ITGB5: variants seen among roughly 807,000 people sequenced by gnomAD.
ITGB5 encodes integrin beta-5.
In ITGB5, 38 loss-of-function variants were observed where a neutral mutation model predicts 84.8. That is an observed-to-expected ratio of 0.45 (90% CI 0.35 to 0.59). ITGB5 has a LOEUF of 0.59. Ranked by LOEUF, ITGB5 falls within the 20% of genes least tolerant of loss-of-function variation. The probability of loss-of-function intolerance (pLI) is 0.01; values close to 1 mark genes in which losing one functional copy is unlikely to be tolerated. For synonymous variants in ITGB5, 393 were observed against 414.4 expected (o/e 0.95, Z 0.63); for missense variants, 905 against 1,034.5 (o/e 0.87, Z 1.72).
intron 1 of ITGB5, among the ~76,000 whole-genome samples, chr3:124,874,957 T>C (rs1262858786): frequency 6.6e-6 from 1 of 152,192 alleles, no homozygotes; most frequent in Non-Finnish European, 1.5e-5. Flanking sequence ...AATGACTTTT[T>C]GAATATTATC....
intron 10 of ITGB5, among the ~76,000 whole-genome samples, chr3:124,779,414 A>G (rs747241336): frequency 3.3e-5 from 5 of 152,130 alleles, no homozygotes; most frequent in Admixed American, 6.5e-5. Flanking sequence ...TCCCACCACC[A>G]GCCTCCCCAA....
At chr3:124,815,036 C>T (rs1353363499) in intron 8 of ITGB5, among the ~76,000 whole-genome samples, 1 of 152,214 alleles carries the variant, frequency 6.6e-6, no homozygotes, top group Non-Finnish European at 1.5e-5. Context: ...CTTGTCACTC[C>T]TTGACCCTGG....
chr3:124,891,402 C>T (rs562098196), upstream of ITGB5, among the ~76,000 whole-genome samples: 3 of 152,122 alleles, frequency 2.0e-5, no homozygotes, highest in East Asian at 5.8e-4. Context: ...AAATGAAGGC[C>T]TTTGCAATGG....
chr3:124,773,741 C>G lies in ITGB5; in HGVS notation c.1865G>C (p.Gly622Ala). 1 of 1,612,712 alleles carries G rather than the reference C, an allele frequency of 6.2e-7. No homozygotes were observed. ...GGTGGGGCACTTCTCACACATCTCCCCAAAGGCCCCCGGCTCCGTGCATTG... is the reference window on the plus strand; with the variant it reads ...GGTGGGGCACTTCTCACACATCTCCGCAAAGGCCCCCGGCTCCGTGCATTG... The part of the protein sequence containing the change: ...QCQCTEPGAF[G>A]EMCEKCPTCP... The change falls in exon 11 of 15, where the codon GGG (glycine) becomes GCG (alanine). Residue 622 changes from glycine to alanine, a missense_variant. Physicochemically the swap from Gly to Ala is moderately conservative, Grantham distance 60. Transcript: ENST00000296181.
At chr3:124,766,671 G>A (rs1032282148) in intron 12 of ITGB5, among the ~76,000 whole-genome samples, 1 of 152,150 alleles carries the variant, frequency 6.6e-6, no homozygotes, top group Admixed American at 6.5e-5. Flanking sequence ...GATTGGCCAC[G>A]GAAATTAAAG....
chr3:124,772,317 C>G (rs2063857936), intron 11 of ITGB5, among the ~76,000 whole-genome samples: 1 of 152,228 alleles, frequency 6.6e-6, no homozygotes, highest in Non-Finnish European at 1.5e-5. Flanking sequence ...CTTGTCTCTC[C>G]ATCTGCAGCC....
chr3:124,775,244 G>A (rs1055368615), intron 10 of ITGB5, among the ~76,000 whole-genome samples: 2 of 146,104 alleles, frequency 1.4e-5, no homozygotes, highest in Non-Finnish European at 2.9e-5. Flanking sequence ...GTGTGTGAGT[G>A]CAAGTGTGTG....
At chr3:124,867,923 A>G (rs547609878) in intron 2 of ITGB5, among the ~76,000 whole-genome samples, 3 of 152,316 alleles carry the variant, frequency 2.0e-5, no homozygotes, top group African/African-American at 4.8e-5. Flanking sequence ...TGTAATCCCT[A>G]TAATTCCCAT....
intron 12 of ITGB5, among the ~76,000 whole-genome samples, chr3:124,768,170 G>A (rs1460974189): frequency 6.6e-6 from 1 of 152,230 alleles, no homozygotes; most frequent in Non-Finnish European, 1.5e-5. Context: ...CAGACAGGCA[G>A]CTGGGGGCCA....
chr3:124,882,936 G>A (rs1470739277), intron 1 of ITGB5, among the ~76,000 whole-genome samples: 1 of 152,176 alleles, frequency 6.6e-6, no homozygotes, highest in Non-Finnish European at 1.5e-5. Context: ...TTCAACGGAA[G>A]CAAGAAGCCT....
At chr3:124,874,306 GAAAAAAAAA>G (rs59287818) in intron 1 of ITGB5, among the ~76,000 whole-genome samples, 2 of 113,392 alleles carry the variant, frequency 1.8e-5, no homozygotes, top group Non-Finnish European at 3.5e-5. Context: ...TCAAAAGCCG[GAAAAAAAAA>G]AAAAAAAAAA....
chr3:124,797,889 T>C (rs1222065445), intron 9 of ITGB5, among the ~76,000 whole-genome samples: 3 of 152,058 alleles, frequency 2.0e-5, no homozygotes, highest in African/African-American at 4.8e-5. Flanking sequence ...CCTTACTCCC[T>C]GAACAGACAG....
At chr3:124,819,716 A>G in intron 7 of ITGB5, 23 bp downstream of exon 7, 2 of 1,524,130 alleles carry the variant, frequency 1.3e-6, no homozygotes, top group Non-Finnish European at 1.8e-6. Flanking sequence ...ACAAATCACT[A>G]GCCTCCCTCC....
At chr3:124,844,602 C>A (rs148743357) in intron 4 of ITGB5, among the ~76,000 whole-genome samples, 2 of 152,200 alleles carry the variant, frequency 1.3e-5, no homozygotes, top group Non-Finnish European at 1.5e-5. Flanking sequence ...ATGCCAAGGA[C>A]CCCCGCAATG....
At chr3:124,829,308 A>G (rs2064825898) in intron 5 of ITGB5, among the ~76,000 whole-genome samples, 2 of 152,338 alleles carry the variant, frequency 1.3e-5, no homozygotes, top group African/African-American at 4.8e-5. Flanking sequence ...AACAAAACCA[A>G]TTTCGCTAAA....
At chr3:124,861,495 T>TATATATATATACACAC (rs750712591) in intron 2 of ITGB5, among the ~76,000 whole-genome samples, 20 of 111,988 alleles carry the variant, frequency 1.8e-4, no homozygotes, top group East Asian at 5.1e-4. Context: ...TATATATATA[T>TATATATATATACACAC]ACACACACAC....
chr3:124,879,012 T>C (rs1934456137), intron 1 of ITGB5, among the ~76,000 whole-genome samples: 1 of 152,190 alleles, frequency 6.6e-6, no homozygotes, highest in South Asian at 2.1e-4. Flanking sequence ...TACTGCAAAC[T>C]GTAATCTAAA....
chr3:124,786,937 A>T (rs1308702570), intron 10 of ITGB5, among the ~76,000 whole-genome samples: 1 of 152,232 alleles, frequency 6.6e-6, no homozygotes, highest in East Asian at 1.9e-4. Context: ...GAGGTCTCTC[A>T]CAGTTTTAAA....
At chr3:124,803,609 C>T (rs980198092) in intron 9 of ITGB5, among the ~76,000 whole-genome samples, 13 of 152,340 alleles carry the variant, frequency 8.5e-5, no homozygotes, top group Admixed American at 7.8e-4. Context: ...TTCACTGTCT[C>T]TTAGCTGGGT....
Sources: gnomAD v4.1 joint callset for allele counts (sites outside exome capture counted in the v4.1 genomes callset) on GRCh38, gnomAD v4.1.1 for gene constraint, MANE v1.5 for transcripts, NCBI Gene and HGNC (gene_info 2026-07-23, HGNC 2026-07-21) for gene names.